Variants in THAP4 observed in about 807,000 individuals in gnomAD.
The protein encoded by THAP4 is peroxynitrite isomerase THAP4.
Under a neutral mutation model 48.1 loss-of-function variants are expected in THAP4, and 18 were observed. The ratio of observed to expected loss-of-function variants is 0.37; its 90% CI spans 0.26 to 0.56. The LOEUF is 0.56. Ranked by LOEUF, THAP4 falls within the 20% of genes least tolerant of loss-of-function variation. The probability of loss-of-function intolerance (pLI) is 0.78; values close to 1 mark genes in which losing one functional copy is unlikely to be tolerated. For synonymous variants in THAP4, 345 were observed against 324.9 expected, an observed-to-expected ratio of 1.06 and a Z score of -0.66; for missense variants, 656 against 774.9, an observed-to-expected ratio of 0.85 and a Z score of 1.82.
intron 2 of THAP4, among the ~76,000 whole-genome samples, chr2:241,628,640 C>T (rs1182857215): frequency 3.3e-5 from 5 of 151,762 alleles, no homozygotes; most frequent in Non-Finnish European, 7.4e-5. Flanking sequence ...TCACCAGCGC[C>T]CCCCTCAAAA....
chr2:241,636,515 C>T (rs2067660027), intron 1 of THAP4, among the ~76,000 whole-genome samples: 1 of 152,226 alleles, frequency 6.6e-6, no homozygotes, highest in Non-Finnish European at 1.5e-5. Context: ...GGCCCAGTCC[C>T]GGAAAGCCCT....
chr2:241,621,749 G>A (rs1393770964), intron 2 of THAP4, among the ~76,000 whole-genome samples: 2 of 152,048 alleles, frequency 1.3e-5, no homozygotes, highest in African/African-American at 4.8e-5. Context: ...CAAAATTATC[G>A]ATGACACCAA....
chr2:241,600,159 G>A (rs1273910720), intron 5 of THAP4, among the ~76,000 whole-genome samples: 1 of 152,164 alleles, frequency 6.6e-6, no homozygotes, highest in Non-Finnish European at 1.5e-5. Flanking sequence ...TTGTGCCACT[G>A]CACTCCAGCC....
Position 241,600,298 on chromosome 2 carries a change from G to A in THAP4, c.1614+1598C>T, listed in dbSNP as rs567822740. ...AATCTGTGGAGTCAGGATGGAATTC[G>A]ATGAATGGTGTTGGGACTACTGGGT... On this transcript the variant is annotated intron_variant, in intron 5 of 5. Coordinates refer to ENST00000407315, the MANE Select transcript of THAP4 (RefSeq NM_015963.6). Among the ~76,000 whole-genome samples the A allele has an allele frequency of 3.3e-4, 50 of 152,318 alleles. 1 individual carries two copies. The South Asian group carries it at 4.6e-3, about 14-fold the overall frequency.
intron 5 of THAP4, among the ~76,000 whole-genome samples, chr2:241,589,319 T>C (rs1020483354): frequency 7.2e-6 from 1 of 138,100 alleles, no homozygotes; most frequent in Non-Finnish European, 1.5e-5. Flanking sequence ...AGGCACAGGA[T>C]AGGAATATCG....
intron 3 of THAP4, among the ~76,000 whole-genome samples, chr2:241,604,010 CAA>C (rs879339295): frequency 5.3e-5 from 7 of 130,968 alleles, no homozygotes; most frequent in East Asian, 2.2e-4. Context: ...AAAACCAAAC[CAA>C]AAAAAAAAAA....
At chr2:241,607,506 G>A (rs2125080685) in intron 2 of THAP4, among the ~76,000 whole-genome samples, 1 of 151,702 alleles carries the variant, frequency 6.6e-6, no homozygotes, top group Non-Finnish European at 1.5e-5. Flanking sequence ...CTGCTTCCCA[G>A]GCCTGCTTAA....
Position 241,606,339 on chromosome 2 carries a change from C to T in THAP4, c.1375G>A (p.Val459Met), listed in dbSNP as rs561204833. The T allele has an allele frequency of 3.1e-5, 48 of 1,563,250 alleles. No individual in the cohort carries two copies. Among genetic ancestry groups the T allele is most frequent in the Non-Finnish European group, 2.9e-5 (33 of 1,153,500 alleles). Residue 459 changes from valine (V) to methionine (M), a missense_variant, in exon 3 of 6, where the codon GTG becomes ATG. Val to Met is a conservative substitution (Grantham distance 21). Transcript: ENST00000407315. ...QYLEEVHISH[V>M]GQPMLNFSFN... is the part of the protein sequence containing the mutation. ...GAGAAGTTCAGCATGGGCTGGCCCA[C>T]GTGGGAGATGTGAACCTCCTCCAGG...
chr2:241,587,462 T>C (rs1399727729), intron 5 of THAP4, among the ~76,000 whole-genome samples: 1 of 152,212 alleles, frequency 6.6e-6, no homozygotes, highest in Non-Finnish European at 1.5e-5. Flanking sequence ...GGACTTGGAC[T>C]GAGCCATGAC....
Position 241,610,445 on chromosome 2 carries a change from G to A in THAP4, c.1241-3972C>T, listed in dbSNP as rs904485086. Among the ~76,000 whole-genome samples the A allele has an allele frequency of 1.3e-5, 2 of 152,160 alleles. No homozygotes were observed. Among genetic ancestry groups the A allele is most frequent in the African/African-American group, 4.8e-5 (2 of 41,456 alleles). ...GAGGCTGGGCGGCGCTGGGCGGTGG[G>A]GCGCGCTCACTGGCTGCCACCTCAC... On this transcript the variant is annotated intron_variant, in intron 2 of 5. Coordinates refer to ENST00000407315, the MANE Select transcript of THAP4 (RefSeq NM_015963.6). This position sits in a 1 kb window ranked among gnomAD's most constrained non-coding sequence, Gnocchi z 4.2.
chr2:241,609,639 T>C (rs2067237306), intron 2 of THAP4, among the ~76,000 whole-genome samples: 1 of 152,056 alleles, frequency 6.6e-6, no homozygotes, highest in African/African-American at 2.4e-5. Context: ...ATACAAAAAT[T>C]AGCCGGGCGT....
At chr2:241,623,739 T>C (rs1032234432) in intron 2 of THAP4, among the ~76,000 whole-genome samples, 2 of 151,970 alleles carry the variant, frequency 1.3e-5, no homozygotes, top group East Asian at 1.9e-4. Flanking sequence ...TTTAATCATA[T>C]AGATGAGATG....
intron 4 of THAP4, 54 bp from the exon 5 acceptor site, chr2:241,602,053 C>G (rs1463659540): frequency 8.9e-6 from 14 of 1,566,186 alleles, no homozygotes; most frequent in Non-Finnish European, 1.2e-5. Context: ...TGCAGAGAGG[C>G]AGCCTTGACT....
intron 5 of THAP4, among the ~76,000 whole-genome samples, chr2:241,590,741 A>C (rs1373966831): frequency 2.0e-5 from 3 of 151,100 alleles, no homozygotes; most frequent in Non-Finnish European, 4.4e-5. Flanking sequence ...CATGGGCACT[A>C]GGACACTCAG....
chr2:241,632,406 G>A (rs968079008), intron 2 of THAP4, among the ~76,000 whole-genome samples: 4 of 151,980 alleles, frequency 2.6e-5, no homozygotes, highest in Non-Finnish European at 5.9e-5. Context: ...AGCCTCAACA[G>A]ATGTTTTAAT....
intron 2 of THAP4, chr2:241,617,445 T>G (rs904503721): frequency 1.1e-5 from 17 of 1,551,150 alleles, no homozygotes; most frequent in Middle Eastern, 1.7e-4. Flanking sequence ...CGGACACTCG[T>G]CAAGGTTCCT....
intron 5 of THAP4, among the ~76,000 whole-genome samples, chr2:241,598,693 A>T (rs768506546): frequency 3.3e-5 from 5 of 152,090 alleles, no homozygotes; most frequent in Non-Finnish European, 7.4e-5. Context: ...CAGGAGGTGG[A>T]GCTCAGGAGG....
chr2:241,616,970 G>C lies in THAP4; in HGVS notation c.1241-10497C>G, dbSNP rs2067356343. Among the ~76,000 whole-genome samples the C allele has an allele frequency of 6.6e-6, 1 of 152,262 alleles. No homozygotes were observed. The highest frequency in any genetic ancestry group is 2.1e-4 in the South Asian group (1 of 4,830). On this transcript the variant is annotated intron_variant, in intron 2 of 5. Coordinates refer to ENST00000407315, the MANE Select transcript of THAP4 (RefSeq NM_015963.6). This position sits in a 1 kb window ranked among gnomAD's most constrained non-coding sequence, Gnocchi z 4.6. Reference sequence around the variant, plus strand: ...ACCTGCTCCTGGGGCCGCTCCCCCTGCACCCTCCACCACTTCGGGCCGCGT... The same window carrying C: ...ACCTGCTCCTGGGGCCGCTCCCCCTCCACCCTCCACCACTTCGGGCCGCGT...
chr2:241,610,229 C>T lies in THAP4; in HGVS notation c.1241-3756G>A, dbSNP rs1287351996. On this transcript the variant is annotated intron_variant, in intron 2 of 5. Coordinates refer to ENST00000407315, the MANE Select transcript of THAP4 (RefSeq NM_015963.6). This position sits in a 1 kb window ranked among gnomAD's most constrained non-coding sequence, Gnocchi z 4.2. The stretch of plus-strand genomic sequence containing the variant: ...GGGCTAGGGTGAGGGGCACGCGCCG[C>T]AAGTCCTGCCTCTGCTCCCGGGCGG... Among the ~76,000 whole-genome samples, 2 of 152,196 alleles carry T rather than the reference C, an allele frequency of 1.3e-5. No homozygotes were observed. The highest frequency in any genetic ancestry group is 2.9e-5 in the Non-Finnish European group (2 of 68,024).
Sources: gnomAD v4.1 joint callset for allele counts (sites outside exome capture counted in the v4.1 genomes callset) on GRCh38, gnomAD v4.1.1 for gene constraint, Gnocchi (gnomAD v3.1) non-coding constraint, MANE v1.5 for transcripts, NCBI Gene and HGNC (gene_info 2026-07-23, HGNC 2026-07-21) for gene names.